SHC3: variants seen among roughly 807,000 people sequenced by gnomAD.
SHC3 encodes SHC adaptor protein 3.
Under a neutral mutation model 60.4 loss-of-function variants are expected in SHC3, and 15 were observed. That is an observed-to-expected ratio of 0.25 (90% CI 0.17 to 0.38). The LOEUF is 0.38. SHC3 is among the 10% of genes least tolerant of loss of function. The pLI, the probability that SHC3 is intolerant of heterozygous loss-of-function variation, is 1.00. For missense variants in SHC3, 677 were observed against 786.1 expected (o/e 0.86, Z 1.66); for synonymous variants, 294 against 325.9 (o/e 0.90, Z 1.05).
chr9:89,126,662 C>T (rs1044195457), intron 1 of SHC3, among the ~76,000 whole-genome samples: 3 of 152,160 alleles, frequency 2.0e-5, no homozygotes, highest in African/African-American at 7.2e-5. Flanking sequence ...ACCCTTGATG[C>T]AGGGAATATT....
At chr9:89,040,041 C>T (rs1824651009) in intron 10 of SHC3, among the ~76,000 whole-genome samples, 1 of 146,356 alleles carries the variant, frequency 6.8e-6, no homozygotes, top group African/African-American at 2.5e-5. Context: ...TCACCACCAT[C>T]TCACCACCAT....
chr9:89,006,827 C>T lies in SHC3; in HGVS notation c.*6620G>A, dbSNP rs1007438552. 1 of 152,182 alleles carries T rather than the reference C, an allele frequency of 6.6e-6. No individual in the cohort carries two copies. Among genetic ancestry groups the T allele is most frequent in the African/African-American group, 2.4e-5 (1 of 41,442 alleles). 9.4% of individuals were successfully genotyped at this position (152,182 alleles called of 1,614,324 possible). A position where few individuals can be genotyped will look rare whatever the true frequency, so the allele number is the denominator to read the frequency against. On this transcript the variant is annotated 3_prime_UTR_variant, in exon 12 of 12. Transcript: ENST00000375835. ...AACACATAGCTGTTAACAAAATTAA[C>T]CCCATTAATATTTAAAGACGGATTT...
At chr9:89,107,277 T>C (rs1200523604) in intron 2 of SHC3, among the ~76,000 whole-genome samples, 2 of 152,226 alleles carry the variant, frequency 1.3e-5, no homozygotes, top group African/African-American at 2.4e-5. Context: ...TCTGGGGTAG[T>C]ATCCCATGAC....
At chr9:89,111,589 A>AAAAAAC (rs1825947923) in intron 2 of SHC3, among the ~76,000 whole-genome samples, 1 of 152,144 alleles carries the variant, frequency 6.6e-6, no homozygotes, top group Non-Finnish European at 1.5e-5. Context: ...AGAGAAAAAA[A>AAAAAAC]AAAAACAAAA....
intron 7 of SHC3, among the ~76,000 whole-genome samples, chr9:89,047,711 G>C (rs1272010858): frequency 2.6e-5 from 4 of 152,164 alleles, no homozygotes; most frequent in Non-Finnish European, 2.9e-5. Context: ...ATGCCCACTA[G>C]GGTAGCTATA....
At chr9:89,029,115 A>G (rs1824429703) in intron 11 of SHC3, among the ~76,000 whole-genome samples, 1 of 151,636 alleles carries the variant, frequency 6.6e-6, no homozygotes, top group Admixed American at 6.6e-5. Context: ...ATTTCAAAGA[A>G]CTGGAAACTT....
intron 1 of SHC3, among the ~76,000 whole-genome samples, chr9:89,151,875 T>C (rs1411181621): frequency 1.3e-5 from 2 of 152,274 alleles, no homozygotes; most frequent in Non-Finnish European, 2.9e-5. Flanking sequence ...TTTTTCTTTA[T>C]GTCCTTCTTT....
chr9:89,161,717 A>G (rs1162650852), intron 1 of SHC3, among the ~76,000 whole-genome samples: 1 of 151,594 alleles, frequency 6.6e-6, no homozygotes, highest in South Asian at 2.1e-4. Flanking sequence ...CTCCTATTCA[A>G]CATAGTGTTG....
chr9:89,097,840 T>C (rs1324740850), intron 2 of SHC3, among the ~76,000 whole-genome samples: 1 of 152,224 alleles, frequency 6.6e-6, no homozygotes, highest in Admixed American at 6.5e-5. Flanking sequence ...TTTGTGCTTT[T>C]TCAATAATAA....
chr9:89,172,318 C>T (rs1483191192), intron 1 of SHC3, among the ~76,000 whole-genome samples: 1 of 152,202 alleles, frequency 6.6e-6, no homozygotes, highest in Non-Finnish European at 1.5e-5. Flanking sequence ...GGATTAATTA[C>T]TCCCAGTGGA....
intron 1 of SHC3, among the ~76,000 whole-genome samples, chr9:89,162,081 G>C (rs1291910769): frequency 1.4e-5 from 2 of 138,688 alleles, no homozygotes; most frequent in South Asian, 2.3e-4. Flanking sequence ...CACTGCTCAA[G>C]GAAATAAAAG....
chr9:89,021,657 C>A (rs1475554039), intron 11 of SHC3, among the ~76,000 whole-genome samples: 1 of 152,222 alleles, frequency 6.6e-6, no homozygotes, highest in South Asian at 2.1e-4. Flanking sequence ...AGGTGAGGCT[C>A]CTCTGTCCTG....
chr9:89,026,251 T>G (rs999923698), intron 11 of SHC3, among the ~76,000 whole-genome samples: 2 of 44,800 alleles, frequency 4.5e-5, no homozygotes, highest in Non-Finnish European at 7.6e-5. Flanking sequence ...TGAAACTACA[T>G]CTCAAAAAAA....
intron 1 of SHC3, among the ~76,000 whole-genome samples, chr9:89,112,995 A>G (rs982383735): frequency 6.6e-6 from 1 of 152,138 alleles, no homozygotes; most frequent in African/African-American, 2.4e-5. Flanking sequence ...CACCACCCAG[A>G]CCTCAACATT....
At chr9:89,059,204 G>A (rs1825017941) in intron 6 of SHC3, among the ~76,000 whole-genome samples, 1 of 148,926 alleles carries the variant, frequency 6.7e-6, no homozygotes, top group Admixed American at 6.7e-5. Flanking sequence ...AGTGGTGGAG[G>A]ACGGTGGTGG....
chr9:89,078,582 G>T (rs746430072), intron 2 of SHC3, among the ~76,000 whole-genome samples: 4 of 152,168 alleles, frequency 2.6e-5, no homozygotes, highest in Non-Finnish European at 5.9e-5. Flanking sequence ...GTGGCCGGGG[G>T]CAAGAGTCCA....
At chr9:89,060,503 A>C (rs1374044642) in intron 6 of SHC3, among the ~76,000 whole-genome samples, 1 of 151,898 alleles carries the variant, frequency 6.6e-6, no homozygotes, top group African/African-American at 2.4e-5. Context: ...CCGGTGGTAG[A>C]AGGCAGGCAC....
intron 6 of SHC3, among the ~76,000 whole-genome samples, chr9:89,060,130 A>C (rs1825060304): frequency 7.4e-6 from 1 of 136,006 alleles, no homozygotes. Context: ...ATGGTGTAGG[A>C]CGTGGTGGAG....
intron 1 of SHC3, among the ~76,000 whole-genome samples, chr9:89,155,303 CT>C (rs1323361343): frequency 6.6e-6 from 1 of 152,150 alleles, no homozygotes; most frequent in Non-Finnish European, 1.5e-5. Flanking sequence ...GCCACACGCC[CT>C]TAATTCCCGG....
Sources: gnomAD v4.1 joint callset for allele counts (sites outside exome capture counted in the v4.1 genomes callset) on GRCh38, gnomAD v4.1.1 for gene constraint, MANE v1.5 for transcripts, NCBI Gene and HGNC (gene_info 2026-07-23, HGNC 2026-07-21) for gene names.